SYT11: variants seen among roughly 807,000 people sequenced by gnomAD.
SYT11 encodes synaptotagmin 11, also known as synaptotagmin-11.
A neutral mutation model predicts 30.4 loss-of-function variants in SYT11; 12 were observed. The observed-to-expected ratio is 0.39, with a 90% CI of 0.25 to 0.64. The LOEUF (loss-of-function observed/expected upper bound fraction) is 0.64. Among genes scored for constraint, SYT11 ranks in the 30% least tolerant of loss-of-function variants. The pLI is 0.45. For synonymous variants in SYT11, 204 were observed against 216.0 expected (o/e 0.94, Z 0.49); for missense variants, 412 against 552.0 (o/e 0.75, Z 2.54).
Position 155,883,995 on chromosome 1 carries a change from A to C in SYT11, c.*2487A>C, listed in dbSNP as rs569488366. On this transcript the variant is annotated 3_prime_UTR_variant, in exon 4 of 4. Transcript: ENST00000368324. Reference sequence around the variant, plus strand: ...TCTGTCCTATACCCCATGAAATGTAAATACTGTATCATAAGTAGAAGAAAA... The same window carrying C: ...TCTGTCCTATACCCCATGAAATGTACATACTGTATCATAAGTAGAAGAAAA... 6.6e-6 allele frequency: 1 copy of C among 152,646 alleles called. No individual in the cohort carries two copies. Among genetic ancestry groups the C allele is most frequent in the South Asian group, 2.1e-4 (1 of 4,822 alleles). 9.5% of individuals were successfully genotyped at this position (152,646 alleles called of 1,614,324 possible). A position where few individuals can be genotyped will look rare whatever the true frequency, so the allele number is the denominator to read the frequency against.
intron 2 of SYT11, among the ~76,000 whole-genome samples, chr1:155,871,134 A>G (rs1238954207): frequency 6.6e-6 from 1 of 152,194 alleles, no homozygotes; most frequent in Non-Finnish European, 1.5e-5. Flanking sequence ...GTGGTTCTCA[A>G]TGCCAGGATA....
At chr1:155,877,068 C>T (rs1672874809) in intron 2 of SYT11, among the ~76,000 whole-genome samples, 1 of 150,358 alleles carries the variant, frequency 6.7e-6, no homozygotes, top group Admixed American at 6.6e-5. Flanking sequence ...CCCGGGTTCA[C>T]GCCATTCTCC....
chr1:155,866,413 G>A (rs1053104077), intron 1 of SYT11, among the ~76,000 whole-genome samples: 4 of 152,172 alleles, frequency 2.6e-5, no homozygotes, highest in African/African-American at 4.8e-5. Context: ...CGCCACACCC[G>A]GCCTATTTCT....
rs929532363 is a variant in SYT11, at chr1:155,860,151, C to G, written c.34+356C>G. Among the ~76,000 whole-genome samples, 3 of 152,250 alleles carry G rather than the reference C, an allele frequency of 2.0e-5. No homozygotes were observed. Among genetic ancestry groups the G allele is most frequent in the Non-Finnish European group, 4.4e-5 (3 of 68,040 alleles). On this transcript the variant is annotated intron_variant, in intron 1 of 3. Transcript: ENST00000368324. The surrounding 1 kb of genome is among the most constrained non-coding windows in gnomAD (Gnocchi z 4.1). The stretch of plus-strand genomic sequence containing the variant: ...GAGGTGGGGTAGGCCAAGCCCTCCC[C>G]CTTGGGGCACACAGGGCGGTGCCCC...
At position 155,865,510 on chromosome 1, in the gene SYT11, C is replaced by A. The variant is rs1163757152; in HGVS notation, c.35-2455C>A. ...GGACATGGTGGCGCATGCCTGTAAT[C>A]CCAGCTACTCGGGAGGCTGAGGCAG... On this transcript the variant is annotated intron_variant, in intron 1 of 3. Transcript: ENST00000368324. Among the ~76,000 whole-genome samples the A allele has an allele frequency of 4.6e-5, 7 of 152,034 alleles. No individual in the cohort carries two copies. The East Asian group carries it at 1.4e-3, about 30-fold the overall frequency.
chr1:155,881,496 G>C lies in SYT11; in HGVS notation c.1284G>C (p.Leu428=). The change falls in exon 4 of 4, where the codon CTG becomes CTC. Residue 428 remains leucine (L), a synonymous_variant. Coordinates refer to ENST00000368324, the MANE Select transcript of SYT11 (RefSeq NM_152280.5). ...PRKPVAKWHS[L]SEY ...AGCCTGTGGCCAAGTGGCACAGTCT[G>C]AGCGAGTACTAATCCTGTTCTTCTC... 9 of 1,605,762 alleles carry C rather than the reference G, an allele frequency of 5.6e-6. No homozygotes were observed. Among genetic ancestry groups the C allele is most frequent in the Non-Finnish European group, 7.7e-6 (9 of 1,173,798 alleles).
At chr1:155,874,238 C>T (rs1038074818) in intron 2 of SYT11, among the ~76,000 whole-genome samples, 15 of 152,132 alleles carry the variant, frequency 9.9e-5, no homozygotes, top group Admixed American at 2.6e-4. Context: ...CGTGCCACTG[C>T]ACTCCAACCT....
intron 2 of SYT11, among the ~76,000 whole-genome samples, chr1:155,874,997 G>A (rs2102562827): frequency 6.6e-6 from 1 of 150,670 alleles, no homozygotes; most frequent in East Asian, 1.9e-4. Context: ...ACTCACGCCT[G>A]TAATCCCCGC....
chr1:155,874,099 A>G (rs1272700836), intron 2 of SYT11, among the ~76,000 whole-genome samples: 1 of 151,990 alleles, frequency 6.6e-6, no homozygotes, highest in Non-Finnish European at 1.5e-5. Context: ...TCAGGAGATC[A>G]AGACCAGCCT....
In SYT11 at chr1:155,881,185, T is replaced by C. The variant is rs1319796914; in HGVS notation, c.986-13T>C. On this transcript the variant is annotated splice_polypyrimidine_tract_variant and intron_variant, in intron 3 of 3. Coordinates refer to ENST00000368324, the MANE Select transcript of SYT11 (RefSeq NM_152280.5). ...GTCTGTCTCCCTTTTTCTTATCTCT[T>C]TGGGGGCCCCAGATCCTTATGTCAA... The C allele has an allele frequency of 6.2e-7, 1 of 1,607,076 alleles. No individual in the cohort carries two copies. Among genetic ancestry groups the C allele is most frequent in the Non-Finnish European group, 8.5e-7 (1 of 1,175,928 alleles).
At chr1:155,859,891 A>G in intron 1 of SYT11, 96 bp downstream of exon 1, 1 of 1,227,912 alleles carries the variant, frequency 8.1e-7, no homozygotes, top group Non-Finnish European at 1.2e-6. Flanking sequence ...CCCAGACCAG[A>G]GCCTTCAAAA....
chr1:155,869,673 A>C (rs1193309486), intron 2 of SYT11, among the ~76,000 whole-genome samples: 1 of 151,340 alleles, frequency 6.6e-6, no homozygotes, highest in Non-Finnish European at 1.5e-5. Flanking sequence ...CCCTCTCTCC[A>C]TTTCTCCTGT....
Position 155,860,802 on chromosome 1 carries a change from T to G in SYT11, c.34+1007T>G, listed in dbSNP as rs548194050. 2.0e-5 allele frequency among the ~76,000 whole-genome samples: 3 copies of G among 152,286 alleles called. No individual in the cohort carries two copies. The highest frequency in any genetic ancestry group is 2.1e-4 in the South Asian group (1 of 4,822). Reference sequence around the variant, plus strand: ...CAAAGACAAGCTTGAGAAGGAAGTTTTTTCCTCTTTGGGGACTCCTGCAGT... The same window carrying G: ...CAAAGACAAGCTTGAGAAGGAAGTTGTTTCCTCTTTGGGGACTCCTGCAGT... On this transcript the variant is annotated intron_variant, in intron 1 of 3. Coordinates refer to ENST00000368324, the MANE Select transcript of SYT11 (RefSeq NM_152280.5). This position sits in a 1 kb window ranked among gnomAD's most constrained non-coding sequence, Gnocchi z 4.1.
chr1:155,879,373 C>T (rs571819035), intron 2 of SYT11, among the ~76,000 whole-genome samples: 5 of 151,976 alleles, frequency 3.3e-5, no homozygotes, highest in East Asian at 1.9e-4. Context: ...GCCGAGATCA[C>T]GCCACTGCAC....
intron 2 of SYT11, among the ~76,000 whole-genome samples, chr1:155,876,237 T>C (rs1251514299): frequency 5.3e-5 from 2 of 37,698 alleles, no homozygotes; most frequent in Non-Finnish European, 2.3e-4. Flanking sequence ...TCACCTCCCT[T>C]TTTTTTTTTT....
chr1:155,877,852 G>A (rs1021838247), intron 2 of SYT11, among the ~76,000 whole-genome samples: 1 of 152,092 alleles, frequency 6.6e-6, no homozygotes, highest in Non-Finnish European at 1.5e-5. Context: ...CACTGCTCCC[G>A]GCTATAGCGG....
chr1:155,873,795 T>C (rs933389691), intron 2 of SYT11, among the ~76,000 whole-genome samples: 2 of 152,206 alleles, frequency 1.3e-5, no homozygotes, highest in Admixed American at 6.5e-5. Context: ...AAAATGTAAA[T>C]AGGCACGTGT....
chr1:155,868,870 G>A lies in SYT11; in HGVS notation c.861+79G>A, dbSNP rs1175080482. Reference sequence around the variant, plus strand: ...TCAGGGGATAAATGGAAGTGGGAGGGGAGTGGGTTGGGTGGCAAAGAAGGG... The same window carrying A: ...TCAGGGGATAAATGGAAGTGGGAGGAGAGTGGGTTGGGTGGCAAAGAAGGG... On this transcript the variant is annotated intron_variant, in intron 2 of 3. Transcript: ENST00000368324. This position sits in a 1 kb window ranked among gnomAD's most constrained non-coding sequence, Gnocchi z 4.7. The A allele has an allele frequency of 7.2e-6, 10 of 1,386,050 alleles. No homozygotes were observed. The East Asian group carries it at 1.9e-4, about 26-fold the overall frequency. 85.9% of individuals were successfully genotyped at this position (1,386,050 alleles called of 1,614,324 possible).
chr1:155,875,654 C>T (rs772656032), intron 2 of SYT11, among the ~76,000 whole-genome samples: 22 of 152,138 alleles, frequency 1.4e-4, no homozygotes, highest in Non-Finnish European at 2.1e-4. Context: ...CCGCCCTCCT[C>T]GGCCTCCAAA....
Sources: gnomAD v4.1 joint callset for allele counts (sites outside exome capture counted in the v4.1 genomes callset) on GRCh38, gnomAD v4.1.1 for gene constraint, Gnocchi (gnomAD v3.1) non-coding constraint, MANE v1.5 for transcripts, NCBI Gene and HGNC (gene_info 2026-07-23, HGNC 2026-07-21) for gene names.